Variants in TRIM69 observed in about 807,000 individuals in gnomAD.
The protein encoded by TRIM69 is tripartite motif containing 69.
A neutral mutation model predicts 37.7 loss-of-function variants in TRIM69; 29 were observed. The observed-to-expected ratio is 0.77, with a 90% CI of 0.57 to 1.05. TRIM69 has a LOEUF of 1.05. Ranked by LOEUF, TRIM69 falls within the 50% of genes least tolerant of loss-of-function variation. The probability of loss-of-function intolerance (pLI) is 0.00; values close to 1 mark genes in which losing one functional copy is unlikely to be tolerated. For missense variants in TRIM69, 596 were observed against 579.9 expected (o/e 1.03, Z -0.28); for synonymous variants, 209 against 212.4 (o/e 0.98, Z 0.14).
chr15:44,747,075 A>C (rs1261935495), intron 1 of TRIM69, among the ~76,000 whole-genome samples: 1 of 152,204 alleles, frequency 6.6e-6, no homozygotes, highest in Non-Finnish European at 1.5e-5. Flanking sequence ...GTACTTTTCC[A>C]AAGAAAGTAC....
intron 1 of TRIM69, among the ~76,000 whole-genome samples, chr15:44,742,937 C>G (rs1040870544): frequency 2.0e-5 from 3 of 151,540 alleles, no homozygotes; most frequent in African/African-American, 7.3e-5. Context: ...CTACCAATGA[C>G]TTTCTTCACA....
rs75663012 is a variant in TRIM69, at chr15:44,750,722, T to C, written c.7-4178T>C. 8.9e-4 allele frequency among the ~76,000 whole-genome samples: 97 copies of C among 109,150 alleles called. 1 individual carries two copies. The highest frequency in any genetic ancestry group is 3.9e-3 in the Middle Eastern group (1 of 254). 71.6% of individuals were successfully genotyped at this position (109,150 alleles called of 152,430 possible). On this transcript the variant is annotated intron_variant, in intron 1 of 6. Coordinates refer to ENST00000329464, the MANE Select transcript of TRIM69 (RefSeq NM_182985.5). ...TTTATTTCATTACTTTTTCTTTTTT[T>C]TTTTTTTTTTTTTTTTTTTTGAGAC...
At chr15:44,751,591 A>G (rs891947980) in intron 1 of TRIM69, among the ~76,000 whole-genome samples, 3 of 152,048 alleles carry the variant, frequency 2.0e-5, no homozygotes, top group Non-Finnish European at 4.4e-5. Context: ...TCCTTCTGCT[A>G]TCTTTGGTTT....
At chr15:44,765,989 C>T (rs1201921929) in intron 6 of TRIM69, among the ~76,000 whole-genome samples, 1 of 152,172 alleles carries the variant, frequency 6.6e-6, no homozygotes, top group Non-Finnish European at 1.5e-5. Flanking sequence ...CAGCTTTCAA[C>T]CTCTCTTCAT....
chr15:44,746,330 T>C (rs896029094), intron 1 of TRIM69, among the ~76,000 whole-genome samples: 2 of 152,178 alleles, frequency 1.3e-5, no homozygotes, highest in Non-Finnish European at 2.9e-5. Flanking sequence ...CTCTAGTAGA[T>C]CTTACCTACA....
intron 2 of TRIM69, among the ~76,000 whole-genome samples, chr15:44,755,609 C>G (rs1819049288): frequency 1.3e-5 from 2 of 152,198 alleles, no homozygotes; most frequent in Non-Finnish European, 2.9e-5. Flanking sequence ...TACCTAAACT[C>G]TGCCATGGTA....
chr15:44,758,511 C>A, intron 3 of TRIM69, 110 bp from the exon 4 acceptor site: 1 of 1,446,536 alleles, frequency 6.9e-7, no homozygotes, highest in Non-Finnish European at 9.3e-7. Flanking sequence ...CATTTGTATG[C>A]ATTTTTCTGT....
chr15:44,739,205 G>A (rs6493119), intron 1 of TRIM69, among the ~76,000 whole-genome samples: 134,198 of 152,232 alleles, frequency 0.88, 59,808 homozygotes, highest in Non-Finnish European at 0.96. Context: ...CTTGGTAACC[G>A]CTATATATTT....
intron 3 of TRIM69, chr15:44,757,004 C>G (rs900207253): frequency 1.3e-5 from 2 of 152,182 alleles, no homozygotes; most frequent in African/African-American, 4.8e-5. Flanking sequence ...TTTGGCAAAT[C>G]AGTCCCTAGA....
intron 3 of TRIM69, chr15:44,757,883 C>T (rs1377648474): frequency 6.6e-6 from 1 of 152,130 alleles, no homozygotes; most frequent in Non-Finnish European, 1.5e-5. Context: ...CCATGGGATC[C>T]AAGCTAGATA....
At chr15:44,738,687 G>A (rs893024646) in intron 1 of TRIM69, among the ~76,000 whole-genome samples, 18 of 152,120 alleles carry the variant, frequency 1.2e-4, no homozygotes, top group Admixed American at 7.9e-4. Flanking sequence ...TGGTTAATAG[G>A]CTTTGGGGTC....
chr15:44,763,427 A>G (rs934406961), intron 6 of TRIM69, among the ~76,000 whole-genome samples: 10 of 152,220 alleles, frequency 6.6e-5, no homozygotes, highest in Non-Finnish European at 5.9e-5. Context: ...GTTGACTTTA[A>G]TCACCTGGCT....
intron 6 of TRIM69, among the ~76,000 whole-genome samples, chr15:44,764,351 G>A (rs1358644866): frequency 6.6e-6 from 1 of 152,122 alleles, no homozygotes; most frequent in African/African-American, 2.4e-5. Context: ...TATACAGAGT[G>A]GGAAATTGTT....
Position 44,767,318 on chromosome 15 carries a change from T to G in TRIM69, c.1049T>G (p.Ile350Ser). The change falls in exon 7 of 7, where the codon ATT (isoleucine) becomes AGT (serine). Residue 350 changes from isoleucine to serine, a missense_variant. Physicochemically the swap from Ile to Ser is moderately radical, Grantham distance 142. Transcript: ENST00000329464. Reference protein sequence around the residue: ...KSQTSVWHGDIKKIMPDDPER... With the variant: ...KSQTSVWHGDSKKIMPDDPER... ...CAAACCAGCGTCTGGCATGGTGACA[T>G]TAAGAAGATAATGCCTGATGATCCT... 2.5e-6 allele frequency: 4 copies of G among 1,614,044 alleles called. No individual in the cohort carries two copies. The highest frequency in any genetic ancestry group is 3.4e-6 in the Non-Finnish European group (4 of 1,180,020).
intron 3 of TRIM69, 37 bp from the exon 4 acceptor site, chr15:44,758,584 C>T (rs1408292345): frequency 6.2e-7 from 1 of 1,611,298 alleles, no homozygotes; most frequent in South Asian, 1.1e-5. Flanking sequence ...GCACTAGTCT[C>T]TGCAATAACC....
rs1334925516 is a variant in TRIM69 at position 44,758,667 on chromosome 15, A to G, written c.626A>G (p.Lys209Arg). The G allele has an allele frequency of 1.2e-6, 2 of 1,614,030 alleles. No homozygotes were observed. Among genetic ancestry groups the G allele is most frequent in the African/African-American group, 2.7e-5 (2 of 74,914 alleles). The change falls in exon 4 of 7, where the codon AAG becomes AGG. Residue 209 changes from lysine to arginine, a missense_variant. Coordinates refer to ENST00000329464, the MANE Select transcript of TRIM69 (RefSeq NM_182985.5). ...LQQHVSMEFL[K>R]LHQFLHSKEK... ...CAACATGTGTCCATGGAGTTTCTAA[A>G]GCTGCATCAGTTCCTGCACAGCAAA...
In TRIM69 at chr15:44,759,658, C is replaced by G; in HGVS notation, c.832C>G (p.His278Asp). 1 of 1,614,082 alleles carries G rather than the reference C, an allele frequency of 6.2e-7. No homozygotes were observed. The highest frequency in any genetic ancestry group is 8.5e-7 in the Non-Finnish European group (1 of 1,179,960). Reference protein sequence around the residue: ...DFLKDITTLLHSLEQGMKVLA... With the variant: ...DFLKDITTLLDSLEQGMKVLA... Reference sequence around the variant, plus strand: ...CTTCTAGGACATCACAACTCTCTTACATAGGTAAGTGTTTCCCTATGGTAC... The same window carrying G: ...CTTCTAGGACATCACAACTCTCTTAGATAGGTAAGTGTTTCCCTATGGTAC... Residue 278 changes from histidine to aspartate, a missense_variant, in exon 5 of 7, where the codon CAT becomes GAT. Coordinates refer to ENST00000329464, the MANE Select transcript of TRIM69 (RefSeq NM_182985.5).
chr15:44,759,724 A>G (rs377398723), intron 5 of TRIM69, 24 bp from the exon 6 acceptor site: 11 of 1,614,088 alleles, frequency 6.8e-6, no homozygotes, highest in Non-Finnish European at 9.3e-6. Flanking sequence ...ATGTCTAAGG[A>G]TAAATGATTT....
intron 1 of TRIM69, 159 bp from the exon 2 acceptor site, chr15:44,754,741 G>T: frequency 1.5e-6 from 1 of 654,250 alleles, no homozygotes; most frequent in Non-Finnish European, 2.7e-6. Flanking sequence ...TATAATTTCA[G>T]AAAACACTCA....
Sources: allele counts gnomAD v4.1 joint callset (sites outside exome capture counted in the v4.1 genomes callset), GRCh38; gene constraint gnomAD v4.1.1; transcripts MANE v1.5; gene names NCBI Gene and HGNC (gene_info 2026-07-23, HGNC 2026-07-21).